CLIP2: variants seen among roughly 807,000 people sequenced by gnomAD.
The protein encoded by CLIP2 is CAP-Gly domain containing linker protein 2, also known as CAP-Gly domain-containing linker protein 2.
Under a neutral mutation model 111.7 loss-of-function variants are expected in CLIP2, and 41 were observed. That is an observed-to-expected ratio of 0.37 (90% CI 0.29 to 0.48). The LOEUF is 0.48. Among genes scored for constraint, CLIP2 ranks in the 20% least tolerant of loss-of-function variants. The pLI, the probability that CLIP2 is intolerant of heterozygous loss-of-function variation, is 0.99. For synonymous variants in CLIP2, 660 were observed against 644.2 expected (o/e 1.02, Z -0.37); for missense variants, 1,160 against 1,422.1 (o/e 0.82, Z 2.96).
intron 1 of CLIP2, among the ~76,000 whole-genome samples, chr7:74,306,283 C>T (rs782767835): frequency 7.2e-5 from 11 of 152,164 alleles, no homozygotes; most frequent in Non-Finnish European, 8.8e-5. Flanking sequence ...CTGCGGGTTA[C>T]ACCTCAGGAA....
chr7:74,309,826 CA>C (rs34735020), intron 1 of CLIP2, among the ~76,000 whole-genome samples: 81,160 of 128,108 alleles, frequency 0.63, 25,338 homozygotes, highest in Non-Finnish European at 0.73. Context: ...GACTCCATCT[CA>C]AAAAAAAAAA....
chr7:74,376,926 C>T lies in CLIP2; in HGVS notation c.2421+104C>T, dbSNP rs370386483. ...GCCCAGGAAGCATTTCCCTTGTCCC[C>T]GAGAGCATGCCTGGGGCAGTCAAGG... On this transcript the variant is annotated intron_variant, in intron 10 of 16. Coordinates refer to ENST00000223398, the MANE Select transcript of CLIP2 (RefSeq NM_003388.5). The surrounding 1 kb of genome is among the most constrained non-coding windows in gnomAD (Gnocchi z 7.1). 1.9e-5 allele frequency: 22 copies of T among 1,167,194 alleles called. No homozygotes were observed. The highest frequency in any genetic ancestry group is 5.8e-4 in the Middle Eastern group (2 of 3,440). The allele number at this position is 1,167,194 out of a possible 1,614,324, so 72.3% of individuals were successfully genotyped here.
At chr7:74,296,179 C>T (rs1788163796) in intron 1 of CLIP2, among the ~76,000 whole-genome samples, 1 of 151,938 alleles carries the variant, frequency 6.6e-6, no homozygotes, top group African/African-American at 2.4e-5. Flanking sequence ...CAGCCATCTA[C>T]ACGCCAAGGA....
At position 74,376,403 on chromosome 7, in the gene CLIP2, C is replaced by G; in HGVS notation, c.2002C>G (p.Gln668Glu). The change falls in exon 10 of 17, where the codon CAG (glutamine) becomes GAG (glutamate). Residue 668 changes from glutamine (Q) to glutamate (E), a missense_variant. Physicochemically the swap from Gln to Glu is conservative, Grantham distance 29. Transcript: ENST00000223398. The surrounding 1 kb of genome is among the most constrained non-coding windows in gnomAD (Gnocchi z 7.1). ...GCACCAGCTGGAGCTGGGTAACTTG[C>G]AGGCCAAGCATGACCTGGAGACCGC... is the stretch of plus-strand genomic sequence containing the variant. ...MEHQLELGNLQAKHDLETAMH... is the reference protein window; with the variant it reads ...MEHQLELGNLEAKHDLETAMH... 6.2e-7 allele frequency: 1 copy of G among 1,614,028 alleles called. No homozygotes were observed. Among genetic ancestry groups the G allele is most frequent in the Non-Finnish European group, 8.5e-7 (1 of 1,180,018 alleles).
chr7:74,337,727 C>G (rs1789516591), intron 2 of CLIP2, among the ~76,000 whole-genome samples: 1 of 152,036 alleles, frequency 6.6e-6, no homozygotes, highest in South Asian at 2.1e-4. Context: ...TCCTCACTAG[C>G]TGGGATTACA....
At chr7:74,301,338 G>A (rs1788329333) in intron 1 of CLIP2, among the ~76,000 whole-genome samples, 1 of 152,028 alleles carries the variant, frequency 6.6e-6, no homozygotes, top group Non-Finnish European at 1.5e-5. Context: ...ATTGCTGTAT[G>A]TTATTCTATT....
intron 4 of CLIP2, 134 bp downstream of exon 4, chr7:74,354,138 C>A: frequency 1.8e-6 from 2 of 1,124,946 alleles, no homozygotes; most frequent in Non-Finnish European, 2.5e-6. Flanking sequence ...CTTTCCCATT[C>A]CCTCCTTCCC....
intron 1 of CLIP2, among the ~76,000 whole-genome samples, chr7:74,308,294 G>A (rs1387595873): frequency 6.6e-6 from 1 of 152,078 alleles, no homozygotes; most frequent in Non-Finnish European, 1.5e-5. Flanking sequence ...GGGTTCTCAC[G>A]CCTGATCTCT....
At position 74,405,578 on chromosome 7, in the gene CLIP2, C is replaced by T. The variant is rs1791752994; in HGVS notation, c.*1730C>T. ...AGTTCTATTAACAGCCGTCTAGAAG[C>T]GATGCTTTAGTGGCCTAACCCAGGG... On this transcript the variant is annotated 3_prime_UTR_variant, in exon 17 of 17. Transcript: ENST00000223398. The T allele has an allele frequency of 6.6e-6, 1 of 152,634 alleles. No homozygotes were observed. The highest frequency in any genetic ancestry group is 1.5e-5 in the Non-Finnish European group (1 of 68,078). 9.5% of individuals were successfully genotyped at this position (152,634 alleles called of 1,614,324 possible). A position where few individuals can be genotyped will look rare whatever the true frequency, so the allele number is the denominator to read the frequency against.
chr7:74,300,986 A>C (rs1461809874), intron 1 of CLIP2, among the ~76,000 whole-genome samples: 1 of 152,186 alleles, frequency 6.6e-6, no homozygotes, highest in East Asian at 1.9e-4. Context: ...TTCTATGTTC[A>C]GTTCTTTGAG....
chr7:74,317,606 G>C lies in CLIP2; in HGVS notation c.60G>C (p.Met20Ile). 1 of 1,524,042 alleles carries C rather than the reference G, an allele frequency of 6.6e-7. No individual in the cohort carries two copies. 94.4% of individuals were successfully genotyped at this position (1,524,042 alleles called of 1,614,324 possible). A position where few individuals can be genotyped will look rare whatever the true frequency, so the allele number is the denominator to read the frequency against. Residue 20 changes from methionine (M) to isoleucine (I), a missense_variant, in exon 2 of 17, where the codon ATG becomes ATC. Met to Ile is a conservative substitution (Grantham distance 10, BLOSUM62 1). This residue lies in a region of CLIP2 where 301 missense variants were observed against 315.2 expected (regional missense o/e 0.96). Coordinates refer to ENST00000223398, the MANE Select transcript of CLIP2 (RefSeq NM_003388.5). ...GTGGGGGGAAGCACTCCAGCCCCAT[G>C]GGCCGGACATCTACTGGGTCAGCTT... ...PGRGGKHSSP[M>I]GRTSTGSASS...
In CLIP2 at chr7:74,356,436, G is replaced by T. The variant is rs1790145919; in HGVS notation, c.830G>T (p.Gly277Val). The change falls in exon 5 of 17, where the codon GGT becomes GTT. Residue 277 changes from glycine to valine, a missense_variant. By Grantham distance (109) the Gly-to-Val change is moderately radical. This residue lies in a region of CLIP2 where 110 missense variants were observed against 185.2 expected (regional missense o/e 0.59). Coordinates refer to ENST00000223398, the MANE Select transcript of CLIP2 (RefSeq NM_003388.5). ...TACTTCCAGTGCCCACCCAAGTTTGGTCTCTTCGCGCCCATCCACAAAGTG... is the reference window on the plus strand; with the variant it reads ...TACTTCCAGTGCCCACCCAAGTTTGTTCTCTTCGCGCCCATCCACAAAGTG... ...TRYFQCPPKF[G>V]LFAPIHKVIR... is the part of the protein sequence containing the mutation. 2.5e-6 allele frequency: 4 copies of T among 1,614,066 alleles called. No individual in the cohort carries two copies. Among genetic ancestry groups the T allele is most frequent in the Non-Finnish European group, 3.4e-6 (4 of 1,180,046 alleles).
In CLIP2 at chr7:74,403,849, T is replaced by C; in HGVS notation, c.*1T>C. Reference sequence around the variant, plus strand: ...TTACTCTCTCTAGGACAAGCACTGATCCTGAGGGGATACTGTGGAGCAGCC... The same window carrying C: ...TTACTCTCTCTAGGACAAGCACTGACCCTGAGGGGATACTGTGGAGCAGCC... On this transcript the variant is annotated 3_prime_UTR_variant, in exon 17 of 17. Transcript: ENST00000223398. 1.2e-6 allele frequency: 2 copies of C among 1,613,210 alleles called. No individual in the cohort carries two copies. Among genetic ancestry groups the C allele is most frequent in the Non-Finnish European group, 1.7e-6 (2 of 1,179,836 alleles).
At chr7:74,366,667 A>G (rs532621751) in intron 8 of CLIP2, among the ~76,000 whole-genome samples, 1 of 152,282 alleles carries the variant, frequency 6.6e-6, no homozygotes, top group African/African-American at 2.4e-5. Context: ...ACTTGAGGTC[A>G]GGAGTTTGAG....
chr7:74,385,737 CTTTT>C (rs869087670), intron 11 of CLIP2, among the ~76,000 whole-genome samples: 33,765 of 116,842 alleles, frequency 0.29, 3,783 homozygotes, highest in African/African-American at 0.41. Context: ...GTCGGGTCTT[CTTTT>C]TTTTTTTTTT....
intron 8 of CLIP2, chr7:74,364,651 A>T (rs576305813): frequency 2.6e-6 from 1 of 380,344 alleles, no homozygotes; most frequent in Admixed American, 3.6e-5. Flanking sequence ...CCCTTCGTTC[A>T]TCTTGGATTC....
Position 74,400,358 on chromosome 7 carries a change from T to G in CLIP2, c.2881-12T>G. On this transcript the variant is annotated splice_polypyrimidine_tract_variant and intron_variant, in intron 14 of 16. Transcript: ENST00000223398. ...ACACTCATGTACTCTTCCACTCTCC[T>G]GCCACTTCCAGGACAAAGAGAAATC... is the stretch of plus-strand genomic sequence containing the variant. 1 of 1,596,640 alleles carries G rather than the reference T, an allele frequency of 6.3e-7. No homozygotes were observed. The highest frequency in any genetic ancestry group is 1.3e-5 in the African/African-American group (1 of 74,724).
At position 74,376,255 on chromosome 7, in the gene CLIP2, C is replaced by G; in HGVS notation, c.1854C>G (p.Asp618Glu). The change falls in exon 10 of 17, where the codon GAC (aspartate) becomes GAG (glutamate). Residue 618 changes from aspartate (D) to glutamate (E), a missense_variant. Physicochemically the swap from Asp to Glu is conservative, Grantham distance 45 (BLOSUM62 2). Transcript: ENST00000223398. The surrounding 1 kb of genome is among the most constrained non-coding windows in gnomAD (Gnocchi z 7.1). ...GLMDNWKSKL[D>E]SLASDHQKSL... ...TGGACAACTGGAAATCCAAGCTGGACTCGCTGGCCTCGGACCACCAGAAGT... is the reference window on the plus strand; with the variant it reads ...TGGACAACTGGAAATCCAAGCTGGAGTCGCTGGCCTCGGACCACCAGAAGT... 3.7e-6 allele frequency: 6 copies of G among 1,612,372 alleles called. No homozygotes were observed. The highest frequency in any genetic ancestry group is 5.1e-6 in the Non-Finnish European group (6 of 1,179,250).
intron 3 of CLIP2, among the ~76,000 whole-genome samples, chr7:74,349,734 C>T (rs1405441871): frequency 3.3e-5 from 5 of 150,448 alleles, no homozygotes; most frequent in African/African-American, 1.2e-4. Context: ...CTGTCTTAGC[C>T]TCCGGAGTAC....
Sources: gnomAD v4.1 joint callset for allele counts (sites outside exome capture counted in the v4.1 genomes callset) on GRCh38, gnomAD v4.1.1 for gene constraint, gnomAD v4.1.1 regional missense constraint, Gnocchi (gnomAD v3.1) non-coding constraint, MANE v1.5 for transcripts, NCBI Gene and HGNC (gene_info 2026-07-23, HGNC 2026-07-21) for gene names.